The following TRPM7 variants were observed in gnomAD, a reference collection of about 807,000 sequenced individuals.
TRPM7 encodes the protein transient receptor potential cation channel subfamily M member 7, also known as LTRPC ion channel family member 7.
Under a neutral mutation model 229.7 loss-of-function variants are expected in TRPM7, and 134 were observed. That is an observed-to-expected ratio of 0.58 (90% CI 0.51 to 0.67). The LOEUF is 0.67. TRPM7 is among the 30% of genes least tolerant of loss of function. The pLI is 0.00. For missense variants in TRPM7, 1,901 were observed against 2,210.0 expected, an observed-to-expected ratio of 0.86 and a Z score of 2.80; for synonymous variants, 699 against 715.2, an observed-to-expected ratio of 0.98 and a Z score of 0.36.
chr15:50,680,126 C>T (rs537867116), intron 1 of TRPM7, among the ~76,000 whole-genome samples: 32 of 151,840 alleles, frequency 2.1e-4, no homozygotes, highest in Non-Finnish European at 3.7e-4. Flanking sequence ...CCTAGCTACT[C>T]GGGAGGCTGA....
intron 1 of TRPM7, among the ~76,000 whole-genome samples, chr15:50,682,576 CA>C (rs146017285): frequency 0.054 from 5,515 of 102,998 alleles, 295 homozygotes; most frequent in African/African-American, 0.17. Context: ...AACTCCATCT[CA>C]AAAAAAAAAA....
chr15:50,564,521 T>G (rs1434877049), intron 38 of TRPM7, among the ~76,000 whole-genome samples: 3 of 151,650 alleles, frequency 2.0e-5, no homozygotes, highest in African/African-American at 7.3e-5. Context: ...ACTAACCAAG[T>G]CATGCATTAA....
Position 50,561,703 on chromosome 15 carries a change from G to T in TRPM7, c.5573C>A (p.Thr1858Asn), listed in dbSNP as rs200056074. The T allele has an allele frequency of 1.1e-4, 182 of 1,610,866 alleles. No homozygotes were observed. The African/African-American group carries it at 2.2e-3, about 20-fold the overall frequency. Residue 1858 changes from threonine (T) to asparagine (N), a missense_variant, in exon 39 of 39, where the codon ACT becomes AAT. Physicochemically the swap from Thr to Asn is moderately conservative, Grantham distance 65. Around this residue, in one of 8 missense-constraint regions of TRPM7, gnomAD observed 257 missense variants for 352.0 expected, o/e 0.73. Transcript: ENST00000646667. The part of the protein sequence containing the change: ...PGNSTKESES[T>N]NSVRLML ...TTATAACATCAGACGAACAGAATTA[G>T]TTGATTCTGATTCTTTGGTGGAATT... is the stretch of plus-strand genomic sequence containing the variant.
intron 10 of TRPM7, among the ~76,000 whole-genome samples, chr15:50,630,108 C>T (rs370778976): frequency 2.6e-5 from 4 of 152,106 alleles, no homozygotes; most frequent in Middle Eastern, 3.4e-3. Context: ...GTGATCCACC[C>T]GCCTTAGCCT....
chr15:50,682,064 G>A (rs1046000088), intron 1 of TRPM7, among the ~76,000 whole-genome samples: 3 of 151,278 alleles, frequency 2.0e-5, no homozygotes, highest in Admixed American at 1.3e-4. Flanking sequence ...TGTAATCCCA[G>A]CTACTCGAGA....
chr15:50,598,747 G>A (rs2059696395), intron 22 of TRPM7, among the ~76,000 whole-genome samples: 1 of 152,182 alleles, frequency 6.6e-6, no homozygotes, highest in Admixed American at 6.5e-5. Context: ...TGTTGCTAAT[G>A]ACAGTCTTAG....
intron 38 of TRPM7, among the ~76,000 whole-genome samples, chr15:50,564,324 T>C (rs2141434709): frequency 7.2e-6 from 1 of 139,806 alleles, no homozygotes; most frequent in Non-Finnish European, 1.6e-5. Context: ...AGTATCCAAG[T>C]AGAAATATAG....
chr15:50,686,402 G>T, intron 1 of TRPM7, 129 bp downstream of exon 1: 1 of 1,483,676 alleles, frequency 6.7e-7, no homozygotes, highest in Non-Finnish European at 9.4e-7. Context: ...AAATCCGGAA[G>T]CCTCAAGGCA....
In TRPM7 at chr15:50,592,025, T is replaced by C; in HGVS notation, c.4210A>G (p.Ser1404Gly). 6.2e-7 allele frequency: 1 copy of C among 1,613,516 alleles called. No homozygotes were observed. Among genetic ancestry groups the C allele is most frequent in the Non-Finnish European group, 8.5e-7 (1 of 1,179,768 alleles). Residue 1404 changes from serine to glycine, a missense_variant, in exon 26 of 39, where the codon AGT becomes GGT. By Grantham distance (56) the Ser-to-Gly change is moderately conservative. This residue lies in a region of TRPM7 where 533 missense variants were observed against 497.1 expected (regional missense o/e 1.07). Transcript: ENST00000646667. ...TTGCAACTTGGCTGAGATGGTGTAC[T>C]AACAAAAAATTTGGTTGGTGGGGAT... is the stretch of plus-strand genomic sequence containing the variant. ...LSSPPTKFFV[S>G]TPSQPSCKSH...
At chr15:50,626,325 A>C (rs2140602154) in intron 11 of TRPM7, among the ~76,000 whole-genome samples, 1 of 152,302 alleles carries the variant, frequency 6.6e-6, no homozygotes, top group East Asian at 1.9e-4. Context: ...GGGATATAAC[A>C]AAATATTGTT....
intron 1 of TRPM7, among the ~76,000 whole-genome samples, chr15:50,683,223 G>A (rs1206463682): frequency 8.3e-6 from 1 of 120,542 alleles, no homozygotes; most frequent in Non-Finnish European, 1.8e-5. Context: ...ACATTTAACA[G>A]GCAGTCACTT....
intron 9 of TRPM7, 32 bp downstream of exon 9, chr15:50,632,837 A>G: frequency 6.7e-7 from 1 of 1,502,630 alleles, no homozygotes; most frequent in Non-Finnish European, 8.8e-7. Flanking sequence ...ATGGCCTATC[A>G]GCTTTTTAAA....
chr15:50,592,541 T>C lies in TRPM7; in HGVS notation c.3694A>G (p.Ile1232Val), dbSNP rs1405427324. The stretch of plus-strand genomic sequence containing the variant: ...GCTGAAAGATCTTGCAAATGGCCAA[T>C]TTGAGAATCTAATGATTGTAATGAT... ...KRSLQSLDSQ[I>V]GHLQDLSALT... The change falls in exon 26 of 39, where the codon ATT (isoleucine) becomes GTT (valine). Residue 1232 changes from isoleucine to valine, a missense_variant. Physicochemically the swap from Ile to Val is conservative, Grantham distance 29. Transcript: ENST00000646667. 1 of 1,613,080 alleles carries C rather than the reference T, an allele frequency of 6.2e-7. No individual in the cohort carries two copies. Among genetic ancestry groups the C allele is most frequent in the Non-Finnish European group, 8.5e-7 (1 of 1,180,004 alleles).
intron 22 of TRPM7, 24 bp downstream of exon 22, chr15:50,599,098 A>C: frequency 1.3e-6 from 2 of 1,520,994 alleles, no homozygotes; most frequent in Non-Finnish European, 1.8e-6. Flanking sequence ...CCAAAAGATA[A>C]ATCTGTAAAT....
Position 50,561,931 on chromosome 15 carries a change from G to A in TRPM7, c.5468-123C>T, listed in dbSNP as rs558966268. On this transcript the variant is annotated intron_variant, in intron 38 of 38. Coordinates refer to ENST00000646667, the MANE Select transcript of TRPM7 (RefSeq NM_017672.6). ...CTTTTCAAGACGGAGTTTCGCTCTT[G>A]TTGCCCAAGCTGGAGTGCAATGGCG... 2.4e-5 allele frequency: 25 copies of A among 1,033,068 alleles called. No homozygotes were observed. The South Asian group carries it at 3.1e-4, about 13-fold the overall frequency. 64.0% of individuals were successfully genotyped at this position (1,033,068 alleles called of 1,614,324 possible).
At chr15:50,593,182 A>C (rs2059548730) in intron 25 of TRPM7, among the ~76,000 whole-genome samples, 1 of 152,072 alleles carries the variant, frequency 6.6e-6, no homozygotes, top group African/African-American at 2.4e-5. Context: ...CTAGCTACTC[A>C]GGAAACTGAG....
At chr15:50,584,866 T>A (rs2054610803) in intron 28 of TRPM7, among the ~76,000 whole-genome samples, 1 of 151,890 alleles carries the variant, frequency 6.6e-6, no homozygotes, top group Non-Finnish European at 1.5e-5. Flanking sequence ...TACCATTTCT[T>A]TCTCTTTTTC....
chr15:50,600,793 A>C (rs535972883), intron 21 of TRPM7, among the ~76,000 whole-genome samples: 1 of 152,368 alleles, frequency 6.6e-6, no homozygotes, highest in East Asian at 1.9e-4. Context: ...TGCGAGTCTT[A>C]AAATGTCAAT....
rs777575850 is a variant in TRPM7 at position 50,639,568 on chromosome 15, A to G, written c.536-20T>C. On this transcript the variant is annotated intron_variant, in intron 5 of 38. Transcript: ENST00000646667. Reference sequence around the variant, plus strand: ...CCACACCTGTTCATAAAAAAAGTTTATTCATTTTGTTTTTTTTATTTTCTT... The same window carrying G: ...CCACACCTGTTCATAAAAAAAGTTTGTTCATTTTGTTTTTTTTATTTTCTT... 1 of 1,598,176 alleles carries G rather than the reference A, an allele frequency of 6.3e-7. No individual in the cohort carries two copies. The highest frequency in any genetic ancestry group is 8.5e-7 in the Non-Finnish European group (1 of 1,172,652).
Sources: allele counts gnomAD v4.1 joint callset (sites outside exome capture counted in the v4.1 genomes callset), GRCh38; gene constraint gnomAD v4.1.1; regional missense constraint gnomAD v4.1.1; transcripts MANE v1.5; gene names NCBI Gene and HGNC (gene_info 2026-07-23, HGNC 2026-07-21).